Variants in TOGARAM1 observed in about 807,000 individuals in gnomAD.
TOGARAM1 encodes TOG array regulator of axonemal microtubules protein 1.
In TOGARAM1, 100 loss-of-function variants were observed where a neutral mutation model predicts 166.6. The ratio of observed to expected loss-of-function variants is 0.60; its 90% CI spans 0.51 to 0.71. The LOEUF (loss-of-function observed/expected upper bound fraction) is 0.71, where lower values mean the gene tolerates loss of function less well. TOGARAM1 is among the 30% of genes least tolerant of loss of function. The probability of loss-of-function intolerance (pLI) is 0.00; values close to 1 mark genes in which losing one functional copy is unlikely to be tolerated. For synonymous variants in TOGARAM1, 758 were observed against 763.8 expected (o/e 0.99, Z 0.13); for missense variants, 2,029 against 2,102.7 (o/e 0.96, Z 0.69).
At chr14:45,003,272 G>A (rs903258216) in intron 3 of TOGARAM1, among the ~76,000 whole-genome samples, 2 of 151,830 alleles carry the variant, frequency 1.3e-5, no homozygotes, top group Admixed American at 1.3e-4. Context: ...ACGTACGCTA[G>A]GTATTTTGTC....
chr14:44,995,960 T>TTGAATGCACTATGA, intron 2 of TOGARAM1, 58 bp downstream of exon 2: 1 of 1,436,604 alleles, frequency 7.0e-7, no homozygotes, highest in Non-Finnish European at 9.4e-7. Flanking sequence ...CTTAACTTCA[T>TTGAATGCACTATGA]AGTGCATTCA....
chr14:44,962,735 C>G lies in TOGARAM1; in HGVS notation c.314C>G (p.Thr105Ser). The G allele has an allele frequency of 6.2e-7, 1 of 1,613,908 alleles. No individual in the cohort carries two copies. Among genetic ancestry groups the G allele is most frequent in the Non-Finnish European group, 8.5e-7 (1 of 1,180,042 alleles). ...EDTRLLQLLR[T>S]ARDPSEAFQA... ...ACTCGGCTCCTTCAACTCCTCCGCA[C>G]TGCCCGGGATCCTTCTGAGGCCTTC... The change falls in exon 1 of 20, where the codon ACT becomes AGT. Residue 105 changes from threonine (T) to serine (S), a missense_variant. This residue lies in a region of TOGARAM1 where 1,453 missense variants were observed against 1,432.2 expected (regional missense o/e 1.01). Coordinates refer to ENST00000361462, the MANE Select transcript of TOGARAM1 (RefSeq NM_001308120.2).
intron 7 of TOGARAM1, among the ~76,000 whole-genome samples, chr14:45,013,912 C>G (rs1879959629): frequency 6.6e-6 from 1 of 152,036 alleles, no homozygotes; most frequent in South Asian, 2.1e-4. Context: ...TTTTAAAAAC[C>G]TGGATTTGAG....
At chr14:45,053,606 G>T (rs1283693353) in intron 15 of TOGARAM1, among the ~76,000 whole-genome samples, 1 of 151,734 alleles carries the variant, frequency 6.6e-6, no homozygotes, top group East Asian at 1.9e-4. Context: ...ATTTTTTTCT[G>T]CCCGTTGAGC....
chr14:45,043,916 A>G (rs1881851686), intron 12 of TOGARAM1, 125 bp downstream of exon 12: 1 of 588,262 alleles, frequency 1.7e-6, no homozygotes, highest in South Asian at 2.3e-5. Flanking sequence ...CTTGTATTTA[A>G]TTAAAGTAGT....
Position 45,027,323 on chromosome 14 carries a change from C to G in TOGARAM1, c.3353C>G (p.Ala1118Gly). The change falls in exon 9 of 20, where the codon GCA becomes GGA. Residue 1118 changes from alanine to glycine, a missense_variant. Transcript: ENST00000361462. ...GKGVFGSLSS[A>G]PATCSQSVIS... ...GGCGTATTTGGAAGTTTAAGTTCAG[C>G]ACCAGCAACCTGCAGCCAATCAGTG... The G allele has an allele frequency of 1.2e-6, 2 of 1,613,038 alleles. No individual in the cohort carries two copies. Among genetic ancestry groups the G allele is most frequent in the Non-Finnish European group, 1.7e-6 (2 of 1,179,712 alleles).
At chr14:45,012,180 G>T (rs1879846786) in intron 7 of TOGARAM1, 105 bp downstream of exon 7, 1 of 662,040 alleles carries the variant, frequency 1.5e-6, no homozygotes, top group Admixed American at 3.4e-5. Context: ...GTGCATACTG[G>T]TTAAGACTAA....
At chr14:45,025,636 A>C (rs1010214659) in intron 7 of TOGARAM1, 147 bp from the exon 8 acceptor site, 5 of 543,978 alleles carry the variant, frequency 9.2e-6, no homozygotes, top group Non-Finnish European at 1.6e-5. Flanking sequence ...AAACATTTAT[A>C]ATGACTTAAT....
intron 3 of TOGARAM1, among the ~76,000 whole-genome samples, chr14:45,002,351 C>G (rs1438758761): frequency 2.0e-5 from 3 of 152,112 alleles, no homozygotes; most frequent in Non-Finnish European, 4.4e-5. Flanking sequence ...TGAGGACTAT[C>G]CACTCTTAGT....
chr14:45,029,701 T>C (rs1881048657), intron 10 of TOGARAM1, among the ~76,000 whole-genome samples: 2 of 152,242 alleles, frequency 1.3e-5, no homozygotes, highest in Admixed American at 1.3e-4. Context: ...TCATCTATGA[T>C]AACATACATA....
intron 10 of TOGARAM1, among the ~76,000 whole-genome samples, chr14:45,031,587 G>A (rs1240288011): frequency 6.6e-6 from 1 of 152,108 alleles, no homozygotes; most frequent in Non-Finnish European, 1.5e-5. Context: ...TACAAAATGG[G>A]ATCGTACTAC....
At chr14:44,977,889 A>G (rs983430493) in intron 1 of TOGARAM1, among the ~76,000 whole-genome samples, 19 of 152,182 alleles carry the variant, frequency 1.2e-4, no homozygotes, top group Admixed American at 5.9e-4. Flanking sequence ...AGCTCAAGCA[A>G]TCCTCCCTCC....
rs540540904 is a variant in TOGARAM1, at chr14:44,968,566, G to A, written c.2046+4099G>A. ...CCCGGCCTGGACTTTAATTTTTAAA[G>A]CAGTTTTAGGTTCTCAGCAACTTTC... On this transcript the variant is annotated intron_variant, in intron 1 of 19. Transcript: ENST00000361462. Among the ~76,000 whole-genome samples the A allele has an allele frequency of 1.2e-4, 19 of 152,304 alleles. 3 individuals are homozygous for A. Among genetic ancestry groups the A allele is most frequent in the African/African-American group, 3.8e-4 (16 of 41,568 alleles).
intron 1 of TOGARAM1, among the ~76,000 whole-genome samples, chr14:44,981,877 TC>T (rs1886557816): frequency 7.2e-6 from 1 of 138,788 alleles, no homozygotes; most frequent in African/African-American, 2.7e-5. Flanking sequence ...GGAGTCTCCC[TC>T]TGTTGTCCAG....
At chr14:45,027,935 C>T (rs1880951563) in intron 9 of TOGARAM1, among the ~76,000 whole-genome samples, 1 of 151,636 alleles carries the variant, frequency 6.6e-6, no homozygotes, top group African/African-American at 2.4e-5. Context: ...TCGTCCTTCC[C>T]ACTTAATAAA....
At position 45,054,550 on chromosome 14, in the gene TOGARAM1, G is replaced by A; in HGVS notation, c.4559+1G>A. 2 of 1,574,294 alleles carry A rather than the reference G, an allele frequency of 1.3e-6. No homozygotes were observed. Among genetic ancestry groups the A allele is most frequent in the Non-Finnish European group, 1.7e-6 (2 of 1,145,026 alleles). ...GAGATGCTTTCAATTCAGCTGAAAG[G>A]TAAGATGATGTAATAGTCCTCATCA... is the stretch of plus-strand genomic sequence containing the variant. On this transcript the variant is annotated splice_donor_variant, in intron 16 of 19. Transcript: ENST00000361462. LOFTEE classifies it high-confidence loss of function.
chr14:45,020,235 G>A (rs1036128459), intron 7 of TOGARAM1, among the ~76,000 whole-genome samples: 4 of 152,104 alleles, frequency 2.6e-5, no homozygotes, highest in Admixed American at 1.3e-4. Flanking sequence ...ATTCCATCTC[G>A]AATTTCTTTA....
chr14:45,071,540 C>T (rs1010921760), intron 18 of TOGARAM1, among the ~76,000 whole-genome samples, 172 bp from the exon 19 acceptor site: 1 of 152,062 alleles, frequency 6.6e-6, no homozygotes, highest in African/African-American at 2.4e-5. Context: ...CAGGTGCTAG[C>T]CACCATGCAA....
At chr14:45,045,543 G>GTGTGTGTA (rs1457434775) in intron 13 of TOGARAM1, among the ~76,000 whole-genome samples, 1 of 38,908 alleles carries the variant, frequency 2.6e-5, no homozygotes, top group Non-Finnish European at 5.0e-5. Flanking sequence ...GTCTGTGTGT[G>GTGTGTGTA]TATATATATA....
Sources: gnomAD v4.1 joint callset for allele counts (sites outside exome capture counted in the v4.1 genomes callset) on GRCh38, gnomAD v4.1.1 for gene constraint, gnomAD v4.1.1 regional missense constraint, MANE v1.5 for transcripts, NCBI Gene and HGNC (gene_info 2026-07-23, HGNC 2026-07-21) for gene names.